The following EDNRB variants were observed in gnomAD, a reference collection of about 807,000 sequenced individuals.
EDNRB encodes Hirschsprung disease 2.
A neutral mutation model predicts 46.4 loss-of-function variants in EDNRB; 18 were observed. The ratio of observed to expected loss-of-function variants is 0.39; its 90% CI spans 0.27 to 0.57. EDNRB has a LOEUF of 0.57. Among genes scored for constraint, EDNRB ranks in the 20% least tolerant of loss-of-function variants. The probability of loss-of-function intolerance (pLI) is 0.61; values close to 1 mark genes in which losing one functional copy is unlikely to be tolerated. For synonymous variants in EDNRB, 213 were observed against 204.9 expected, an observed-to-expected ratio of 1.04 and a Z score of -0.34; for missense variants, 434 against 537.5, an observed-to-expected ratio of 0.81 and a Z score of 1.90.
At chr13:77,969,176 A>G (rs1156297419) in intron 1 of EDNRB, among the ~76,000 whole-genome samples, 1 of 152,218 alleles carries the variant, frequency 6.6e-6, no homozygotes, top group Non-Finnish European at 1.5e-5. Context: ...TTTTTTAAAC[A>G]TTAAATTTTA....
intron 1 of EDNRB, among the ~76,000 whole-genome samples, chr13:77,967,878 C>T (rs769528770): frequency 2.0e-5 from 3 of 152,152 alleles, no homozygotes; most frequent in Non-Finnish European, 4.4e-5. Context: ...CTTAAGGCAT[C>T]CTGCATCTCT....
At chr13:77,910,485 C>G (rs1594367315) in intron 1 of EDNRB, among the ~76,000 whole-genome samples, 1 of 151,910 alleles carries the variant, frequency 6.6e-6, no homozygotes, top group Admixed American at 6.6e-5. Context: ...TGTATTAATA[C>G]ACAAAGAAAT....
chr13:77,912,137 A>G (rs1879601329), intron 1 of EDNRB, among the ~76,000 whole-genome samples: 2 of 152,088 alleles, frequency 1.3e-5, no homozygotes. Flanking sequence ...TTGTACAACT[A>G]TGGAAATATC....
At chr13:77,955,843 G>GTGTA (rs776466528) in intron 1 of EDNRB, among the ~76,000 whole-genome samples, 275 of 134,224 alleles carry the variant, frequency 2.0e-3, no homozygotes, top group Non-Finnish European at 2.7e-3. Flanking sequence ...GTATGTGTGT[G>GTGTA]TGTATCTATC....
intron 1 of EDNRB, among the ~76,000 whole-genome samples, chr13:77,917,517 G>T (rs1247197037): frequency 6.6e-6 from 1 of 152,156 alleles, no homozygotes; most frequent in Non-Finnish European, 1.5e-5. Context: ...ATCACATGAA[G>T]ATCTTAAGAT....
intron 1 of EDNRB, among the ~76,000 whole-genome samples, chr13:77,936,829 G>A (rs961623040): frequency 1.3e-5 from 2 of 152,228 alleles, no homozygotes; most frequent in Non-Finnish European, 1.5e-5. Flanking sequence ...TGACTGCTGC[G>A]GCTTAGGCGT....
intron 1 of EDNRB, among the ~76,000 whole-genome samples, chr13:77,935,263 G>C (rs567015244): frequency 1.3e-5 from 2 of 152,180 alleles, no homozygotes; most frequent in African/African-American, 2.4e-5. Flanking sequence ...GGATAAAAAG[G>C]CTACAGGGCG....
At chr13:77,943,598 CAATAACTT>C (rs1395235566) in intron 1 of EDNRB, among the ~76,000 whole-genome samples, 1 of 152,040 alleles carries the variant, frequency 6.6e-6, no homozygotes, top group Admixed American at 6.5e-5. Context: ...ATGCTGTACT[CAATAACTT>C]AATGGTTTTA....
At chr13:77,906,040 G>A (rs1159970849) in intron 1 of EDNRB, among the ~76,000 whole-genome samples, 2 of 151,968 alleles carry the variant, frequency 1.3e-5, no homozygotes, top group Non-Finnish European at 2.9e-5. Context: ...ATGAGAACTA[G>A]TGGTGAGCTG....
At chr13:77,908,418 A>G (rs1193179445) in intron 1 of EDNRB, among the ~76,000 whole-genome samples, 4 of 70,894 alleles carry the variant, frequency 5.6e-5, no homozygotes, top group Non-Finnish European at 1.2e-4. Flanking sequence ...AAAACTATGA[A>G]GTTTTGCCAA....
At chr13:77,915,004 G>C (rs1052466307) in intron 1 of EDNRB, among the ~76,000 whole-genome samples, 1 of 152,090 alleles carries the variant, frequency 6.6e-6, no homozygotes, top group East Asian at 1.9e-4. Context: ...AATTCTCAAA[G>C]AGAATTATAA....
At chr13:77,957,013 G>A (rs1273824458) in intron 1 of EDNRB, among the ~76,000 whole-genome samples, 1 of 152,188 alleles carries the variant, frequency 6.6e-6, no homozygotes, top group Non-Finnish European at 1.5e-5. Flanking sequence ...CATTTTGGAG[G>A]AGCCCATTAT....
intron 1 of EDNRB, among the ~76,000 whole-genome samples, chr13:77,962,318 A>C (rs1881446029): frequency 6.6e-6 from 1 of 152,294 alleles, no homozygotes; most frequent in African/African-American, 2.4e-5. Flanking sequence ...CCTGGCAGAG[A>C]CACAACAAAA....
chr13:77,955,344 G>C (rs1170130519), intron 1 of EDNRB, among the ~76,000 whole-genome samples: 2 of 152,056 alleles, frequency 1.3e-5, no homozygotes, highest in African/African-American at 4.8e-5. Flanking sequence ...TTGAGTCTTA[G>C]GAGTTTCTTA....
upstream of EDNRB, chr13:77,919,592 C>T (rs765515093): frequency 6.2e-7 from 1 of 1,610,698 alleles, no homozygotes; most frequent in Non-Finnish European, 8.5e-7. Flanking sequence ...TCTCTGCTGC[C>T]ATCAGACAAG....
At chr13:77,944,835 T>G (rs1880858426) in intron 1 of EDNRB, 1 of 152,174 alleles carries the variant, frequency 6.6e-6, no homozygotes. Context: ...GCTTGCATGT[T>G]GAGTAGGAGC....
chr13:77,924,191 A>G (rs1346151038), upstream of EDNRB, among the ~76,000 whole-genome samples: 3 of 152,240 alleles, frequency 2.0e-5, no homozygotes, highest in Non-Finnish European at 4.4e-5. Context: ...AAGCCATGCC[A>G]ATTTCATAAG....
chr13:77,920,167 C>T (rs1880034482), upstream of EDNRB, among the ~76,000 whole-genome samples: 1 of 152,198 alleles, frequency 6.6e-6, no homozygotes, highest in Non-Finnish European at 1.5e-5. Flanking sequence ...CATTTTTATA[C>T]TGTACCTATG....
intron 1 of EDNRB, among the ~76,000 whole-genome samples, chr13:77,942,029 T>C (rs1322112949): frequency 6.6e-6 from 1 of 152,218 alleles, no homozygotes; most frequent in African/African-American, 2.4e-5. Flanking sequence ...GCCTGTCATG[T>C]GCTTACCTCT....
Sources: gnomAD v4.1 joint callset for allele counts (sites outside exome capture counted in the v4.1 genomes callset) on GRCh38, gnomAD v4.1.1 for gene constraint, MANE v1.5 for transcripts, NCBI Gene and HGNC (gene_info 2026-07-23, HGNC 2026-07-21) for gene names.